POU6F2: variants seen among roughly 807,000 people sequenced by gnomAD.
The protein encoded by POU6F2 is POU domain, class 6, transcription factor 2.
POU6F2 carries 31 observed loss-of-function variants against 71.3 expected under a neutral mutation model. The ratio of observed to expected loss-of-function variants is 0.43; its 90% CI spans 0.33 to 0.59. POU6F2 has a LOEUF of 0.59. POU6F2 is among the 20% of genes least tolerant of loss of function. The pLI is 0.04. For synonymous variants in POU6F2, 347 were observed against 355.7 expected (o/e 0.98, Z 0.27); for missense variants, 783 against 856.8 (o/e 0.91, Z 1.07).
At chr7:39,259,724 TTC>T (rs1309509295) in intron 4 of POU6F2, among the ~76,000 whole-genome samples, 1 of 152,042 alleles carries the variant, frequency 6.6e-6, no homozygotes, top group Non-Finnish European at 1.5e-5. Flanking sequence ...CTGCTCCAGA[TTC>T]TCTCTCTGCT....
intron 6 of POU6F2, among the ~76,000 whole-genome samples, 164 bp downstream of exon 6, chr7:39,406,904 C>G (rs1787445610): frequency 6.6e-6 from 1 of 152,046 alleles, no homozygotes; most frequent in Non-Finnish European, 1.5e-5. Context: ...GGAGGTGTTT[C>G]TATGTTTTAG....
At position 39,015,078 on chromosome 7, in the gene POU6F2, AG is replaced by A. The variant is rs956889433; in HGVS notation, c.105+37021del. ...CTTATGGATTTAAAAAAATTATGTC[AG>A]TAACTCTGTTAGAATATTCTGTTTT... On this transcript the variant is annotated intron_variant, in intron 1 of 9. Transcript: ENST00000518318. 2.6e-3 allele frequency among the ~76,000 whole-genome samples: 392 copies of A among 151,904 alleles called. 2 individuals carry two copies. The highest frequency in any genetic ancestry group is 8.8e-3 in the African/African-American group (363 of 41,456).
intron 2 of POU6F2, among the ~76,000 whole-genome samples, chr7:39,172,303 T>G (rs1311005407): frequency 1.3e-5 from 2 of 152,214 alleles, no homozygotes; most frequent in African/African-American, 4.8e-5. Flanking sequence ...TCCCATAATT[T>G]ACATAACCAT....
rs1354819215 is a variant in POU6F2, at chr7:39,464,342, C to T, written c.1819C>T (p.Leu607Phe). Reference sequence around the variant, plus strand: ...AAGTGCCCAGAAGATCAAGCCGGTGCTTGAGCGGTGGATGGCTGAGGCTGA... The same window carrying T: ...AAGTGCCCAGAAGATCAAGCCGGTGTTTGAGCGGTGGATGGCTGAGGCTGA... ...PKSAQKIKPV[L>F]ERWMAEAEAR... is the part of the protein sequence containing the mutation. Residue 607 changes from leucine to phenylalanine, a missense_variant, in exon 10 of 10, where the codon CTT becomes TTT. Coordinates refer to ENST00000518318, the MANE Select transcript of POU6F2 (RefSeq NM_001370959.1). This position sits in a 1 kb window ranked among gnomAD's most constrained non-coding sequence, Gnocchi z 4.1. The T allele has an allele frequency of 1.9e-6, 3 of 1,613,916 alleles. No homozygotes were observed. In the East Asian group the frequency reaches 6.7e-5, roughly 36 times the overall value.
intron 5 of POU6F2, among the ~76,000 whole-genome samples, chr7:39,343,442 TAATC>T (rs1392546139): frequency 6.6e-6 from 1 of 152,116 alleles, no homozygotes; most frequent in Non-Finnish European, 1.5e-5. Flanking sequence ...TACGTAATTT[TAATC>T]TGGATAGAGA....
chr7:38,985,846 C>T (rs561893848), intron 1 of POU6F2, among the ~76,000 whole-genome samples: 8 of 152,140 alleles, frequency 5.3e-5, no homozygotes, highest in African/African-American at 9.6e-5. Flanking sequence ...TTTCTGGGAA[C>T]GAAGGCTAAT....
At chr7:39,098,410 A>G (rs1056531316) in intron 2 of POU6F2, among the ~76,000 whole-genome samples, 3 of 151,802 alleles carry the variant, frequency 2.0e-5, no homozygotes. Context: ...AGTAGCTGGT[A>G]CTACAGGCGT....
chr7:39,112,454 C>T (rs971269747), intron 2 of POU6F2, among the ~76,000 whole-genome samples: 18 of 152,186 alleles, frequency 1.2e-4, no homozygotes, highest in Admixed American at 1.2e-3. Context: ...ATTGCTTGAT[C>T]ACAGATACCC....
chr7:39,060,536 C>T (rs903347956), intron 1 of POU6F2, among the ~76,000 whole-genome samples: 1 of 152,044 alleles, frequency 6.6e-6, no homozygotes, highest in African/African-American at 2.4e-5. Context: ...TCTACAAAAT[C>T]CCCAGATAGG....
chr7:39,452,432 T>G (rs1788683807), intron 8 of POU6F2, among the ~76,000 whole-genome samples: 1 of 152,214 alleles, frequency 6.6e-6, no homozygotes, highest in African/African-American at 2.4e-5. Flanking sequence ...TTAGTGCAGT[T>G]TTTACTTATA....
chr7:39,066,797 C>T (rs974007851), intron 1 of POU6F2, among the ~76,000 whole-genome samples: 3 of 149,628 alleles, frequency 2.0e-5, no homozygotes, highest in East Asian at 1.9e-4. Flanking sequence ...ATATCTAAGA[C>T]GTTTTTGACA....
chr7:39,108,893 TAGA>T (rs1226661696), intron 2 of POU6F2, among the ~76,000 whole-genome samples: 1 of 152,206 alleles, frequency 6.6e-6, no homozygotes, highest in Non-Finnish European at 1.5e-5. Context: ...GAAACATTAG[TAGA>T]AGAATTTCCC....
chr7:39,190,302 C>G (rs920269187), intron 2 of POU6F2, among the ~76,000 whole-genome samples: 1 of 150,842 alleles, frequency 6.6e-6, no homozygotes, highest in African/African-American at 2.4e-5. Context: ...CATTGATAGA[C>G]TTGCATATAA....
intron 5 of POU6F2, among the ~76,000 whole-genome samples, chr7:39,373,874 AAAAG>A (rs1300708419): frequency 1.3e-5 from 2 of 152,234 alleles, no homozygotes; most frequent in East Asian, 1.9e-4. Context: ...ATTCATTCCA[AAAAG>A]AAGTTTTTTT....
At chr7:39,227,733 A>G (rs969973502) in intron 4 of POU6F2, among the ~76,000 whole-genome samples, 1 of 151,804 alleles carries the variant, frequency 6.6e-6, no homozygotes, top group Non-Finnish European at 1.5e-5. Context: ...TTTGTTTTGT[A>G]TTTTTAGTAG....
At chr7:39,343,454 A>G (rs1361237525) in intron 5 of POU6F2, among the ~76,000 whole-genome samples, 1 of 152,126 alleles carries the variant, frequency 6.6e-6, no homozygotes, top group African/African-American at 2.4e-5. Flanking sequence ...ATCTGGATAG[A>G]GACCCCATAA....
intron 4 of POU6F2, among the ~76,000 whole-genome samples, chr7:39,224,505 G>T (rs1794426709): frequency 6.6e-6 from 1 of 152,166 alleles, no homozygotes; most frequent in Admixed American, 6.5e-5. Flanking sequence ...TGAGGATGAG[G>T]CAGTTGGAGC....
intron 4 of POU6F2, among the ~76,000 whole-genome samples, chr7:39,279,540 G>A (rs891901026): frequency 6.6e-6 from 1 of 152,114 alleles, no homozygotes; most frequent in African/African-American, 2.4e-5. Context: ...TCACAGTTCT[G>A]GAAGGTTGAA....
intron 1 of POU6F2, among the ~76,000 whole-genome samples, chr7:39,050,800 A>C (rs574543090): frequency 6.6e-6 from 1 of 152,294 alleles, no homozygotes; most frequent in Non-Finnish European, 1.5e-5. Context: ...GAAGGGGAGC[A>C]GCCCAGGCAA....
Sources: gnomAD v4.1 joint callset for allele counts (sites outside exome capture counted in the v4.1 genomes callset) on GRCh38, gnomAD v4.1.1 for gene constraint, Gnocchi (gnomAD v3.1) non-coding constraint, MANE v1.5 for transcripts, NCBI Gene and HGNC (gene_info 2026-07-23, HGNC 2026-07-21) for gene names.